Variants in ARHGDIG observed in about 807,000 individuals in gnomAD.
The protein encoded by ARHGDIG is Rho GDP dissociation inhibitor gamma, also known as rho GDP-dissociation inhibitor 3.
Under a neutral mutation model 20.2 loss-of-function variants are expected in ARHGDIG, and 14 were observed. That is an observed-to-expected ratio of 0.69 (90% CI 0.46 to 1.08). The LOEUF is 1.08. Among genes scored for constraint, ARHGDIG ranks in the 50% least tolerant of loss-of-function variants. ARHGDIG has a pLI of 0.00. For synonymous variants in ARHGDIG, 193 were observed against 138.6 expected (o/e 1.39, Z -2.76); for missense variants, 311 against 301.8 (o/e 1.03, Z -0.23).
Position 280,792 on chromosome 16 carries a change from TC to T in ARHGDIG, c.73+40del. On this transcript the variant is annotated intron_variant, in intron 1 of 5. Transcript: ENST00000219409. This position sits in a 1 kb window ranked among gnomAD's most constrained non-coding sequence, Gnocchi z 6.6. The stretch of plus-strand genomic sequence containing the variant: ...GCAGGGGCGGGGGGCTCGGCTGGTC[TC>T]AGCCCCGGGCGGGGAGTAGCCCCTC... 2 of 1,233,810 alleles carry T rather than the reference TC, an allele frequency of 1.6e-6. No homozygotes were observed. Among genetic ancestry groups the T allele is most frequent in the South Asian group, 2.3e-5 (1 of 43,048 alleles). The allele number at this position is 1,233,810 out of a possible 1,614,324, so 76.4% of individuals were successfully genotyped here.
At chr16:282,558 C>CGGGGGGGGGGGGGAAAGGGGG in intron 5 of ARHGDIG, 28 bp downstream of exon 5, 4 of 1,310,076 alleles carry the variant, frequency 3.1e-6, no homozygotes, top group Admixed American at 2.5e-5. Flanking sequence ...GGGAACGGGG[C>CGGGGGGGGGGGGGAAAGGGGG]GGGGGGGGGA....
Position 280,591 on chromosome 16 carries a change from A to T in ARHGDIG, c.-90A>T. ...CTCCCGGCCGGGATGAGCTCACCGC[A>T]GTCGCGCCGGGGCTGAGCGCCGAGC... On this transcript the variant is annotated 5_prime_UTR_variant, in exon 1 of 6. Transcript: ENST00000219409. This position sits in a 1 kb window ranked among gnomAD's most constrained non-coding sequence, Gnocchi z 6.6. 3.7e-6 allele frequency: 2 copies of T among 544,442 alleles called. No homozygotes were observed. Among genetic ancestry groups the T allele is most frequent in the Non-Finnish European group, 4.7e-6 (2 of 430,046 alleles). The allele number at this position is 544,442 out of a possible 1,614,324, so 33.7% of individuals were successfully genotyped here. A position where few individuals can be genotyped will look rare whatever the true frequency, so the allele number is the denominator to read the frequency against.
At position 281,941 on chromosome 16, in the gene ARHGDIG, A is replaced by G. The variant is rs1366868467; in HGVS notation, c.253+16A>G. 1.4e-6 allele frequency: 2 copies of G among 1,449,392 alleles called. No individual in the cohort carries two copies. Among genetic ancestry groups the G allele is most frequent in the East Asian group, 2.8e-5 (1 of 35,648 alleles). 89.8% of individuals were successfully genotyped at this position (1,449,392 alleles called of 1,614,324 possible). On this transcript the variant is annotated intron_variant, in intron 2 of 5. Coordinates refer to ENST00000219409, the MANE Select transcript of ARHGDIG (RefSeq NM_001176.4). ...CCGGCCGTGGGTATGGCAGGGGTCT[A>G]GGCTTGGAGGGCTGGGTCTGGGGGG... is the stretch of plus-strand genomic sequence containing the variant.
At chr16:282,571 C>CGG in intron 5 of ARHGDIG, 41 bp downstream of exon 5, 1 of 1,036,064 alleles carries the variant, frequency 9.7e-7, no homozygotes, top group Non-Finnish European at 1.4e-6. Flanking sequence ...GGGGGGGAAG[C>CGG]GGGGGCAGAC....
In ARHGDIG at chr16:282,648, G is replaced by T. The variant is rs745448650; in HGVS notation, c.512G>T (p.Gly171Val). ...ACCGTCTACATGGTGGGCAGCTATG[G>T]CCCGAGCGCCCAGGAGTATGAGTTT... ...DKTVYMVGSY[G>V]PSAQEYEFVT... Residue 171 changes from glycine to valine, a missense_variant, in exon 6 of 6, where the codon GGC becomes GTC. Physicochemically the swap from Gly to Val is moderately radical, Grantham distance 109. Transcript: ENST00000219409. The T allele has an allele frequency of 1.3e-6, 2 of 1,599,122 alleles. No homozygotes were observed. The highest frequency in any genetic ancestry group is 8.5e-7 in the Non-Finnish European group (1 of 1,172,592).
intron 1 of ARHGDIG, chr16:281,064 C>T (rs2052277573): frequency 6.0e-6 from 1 of 167,204 alleles, no homozygotes; most frequent in Non-Finnish European, 1.3e-5. Flanking sequence ...TGGTGATCCC[C>T]GAGAAGACGG....
chr16:281,008 T>G, intron 1 of ARHGDIG: 1 of 196,240 alleles, frequency 5.1e-6, no homozygotes, highest in Non-Finnish European at 1.1e-5. Flanking sequence ...GGAGCCCCTC[T>G]GTCTTGGGTG....
Position 280,850 on chromosome 16 carries a change from A to T in ARHGDIG, c.73+97A>T. 1.3e-6 allele frequency: 1 copy of T among 764,380 alleles called. No individual in the cohort carries two copies. The highest frequency in any genetic ancestry group is 1.7e-6 in the Non-Finnish European group (1 of 596,456). The allele number at this position is 764,380 out of a possible 1,614,324, so 47.3% of individuals were successfully genotyped here. A position where few individuals can be genotyped will look rare whatever the true frequency, so the allele number is the denominator to read the frequency against. On this transcript the variant is annotated intron_variant, in intron 1 of 5. Transcript: ENST00000219409. The surrounding 1 kb of genome is among the most constrained non-coding windows in gnomAD (Gnocchi z 6.6). The stretch of plus-strand genomic sequence containing the variant: ...GGCAACTTTGGGGGCGCGCATGGGG[A>T]CCTCGCGGCGCCGACCCCCCGGCTG...
chr16:281,553 A>G, intron 1 of ARHGDIG, 193 bp from the exon 2 acceptor site: 1 of 596,040 alleles, frequency 1.7e-6, no homozygotes. Flanking sequence ...GCCCCTCCTG[A>G]AGGTCTGGGT....
Position 280,798 on chromosome 16 carries a change from C to G in ARHGDIG, c.73+45C>G, listed in dbSNP as rs2052275220. ...GCGGGGGGCTCGGCTGGTCTCAGCC[C>G]CGGGCGGGGAGTAGCCCCTCCCCCG... On this transcript the variant is annotated intron_variant, in intron 1 of 5. Coordinates refer to ENST00000219409, the MANE Select transcript of ARHGDIG (RefSeq NM_001176.4). The surrounding 1 kb of genome is among the most constrained non-coding windows in gnomAD (Gnocchi z 6.6). 5 of 1,225,250 alleles carry G rather than the reference C, an allele frequency of 4.1e-6. No individual in the cohort carries two copies. The South Asian group carries it at 1.2e-4, about 29-fold the overall frequency. 75.9% of individuals were successfully genotyped at this position (1,225,250 alleles called of 1,614,324 possible).
chr16:281,055 G>C, intron 1 of ARHGDIG: 2 of 171,420 alleles, frequency 1.2e-5, no homozygotes, highest in Non-Finnish European at 2.5e-5. Context: ...TAGGGCGTGT[G>C]GTGATCCCCG....
chr16:282,086 G>C lies in ARHGDIG; in HGVS notation c.315G>C (p.Gly105=), dbSNP rs372294740. 1.2e-6 allele frequency: 2 copies of C among 1,612,900 alleles called. No homozygotes were observed. Among genetic ancestry groups the C allele is most frequent in the East Asian group, 2.2e-5 (1 of 44,870 alleles). The change falls in exon 3 of 6, where the codon GGG becomes GGC. Residue 105 remains glycine (G), a synonymous_variant. Coordinates refer to ENST00000219409, the MANE Select transcript of ARHGDIG (RefSeq NM_001176.4). ...CACTCCTGTCGGAACAGGCTCCGGG[G>C]CCCGTCGTCATGGATCTCACAGGTA... ...RLTLLSEQAP[G]PVVMDLTGDL... is the part of the protein sequence containing the mutation.
In ARHGDIG at chr16:282,366, C is replaced by G; in HGVS notation, c.407C>G (p.Ser136Cys). The change falls in exon 4 of 6, where the codon TCC (serine) becomes TGC (cysteine). Residue 136 changes from serine (S) to cysteine (C), a missense_variant. Transcript: ENST00000219409. The part of the protein sequence containing the change: ...KEGVDYRVKI[S>C]FKVHREIVSG... ...GGTGTTGATTACAGAGTGAAGATCT[C>G]CTTCAAGGTGAGAGCCGGGGCAATG... The G allele has an allele frequency of 6.2e-7, 1 of 1,612,634 alleles. No homozygotes were observed.
chr16:282,768 T>C lies in ARHGDIG; in HGVS notation c.632T>C (p.Leu211Pro). Residue 211 changes from leucine (L) to proline (P), a missense_variant, in exon 6 of 6, where the codon CTG becomes CCG. Leu to Pro is a moderately conservative substitution (Grantham distance 98). Transcript: ENST00000219409. ...LFTDDDRTHH[L>P]SWEWGLCICQ... Reference sequence around the variant, plus strand: ...ACCGACGATGACAGGACGCACCACCTGTCCTGGGAGTGGGGTCTCTGCATC... The same window carrying C: ...ACCGACGATGACAGGACGCACCACCCGTCCTGGGAGTGGGGTCTCTGCATC... 6.2e-7 allele frequency: 1 copy of C among 1,609,314 alleles called. No individual in the cohort carries two copies. Among genetic ancestry groups the C allele is most frequent in the Non-Finnish European group, 8.5e-7 (1 of 1,178,742 alleles).
At chr16:281,709 G>A (rs1437898195) in intron 1 of ARHGDIG, 37 bp from the exon 2 acceptor site, 2 of 1,525,854 alleles carry the variant, frequency 1.3e-6, no homozygotes, top group South Asian at 1.2e-5. Context: ...GCCAGGGTCC[G>A]CTAGTGGCTG....
At chr16:282,231 G>T in intron 3 of ARHGDIG, 66 bp from the exon 4 acceptor site, 1 of 1,608,448 alleles carries the variant, frequency 6.2e-7, no homozygotes, top group East Asian at 2.2e-5. Context: ...CACCCTACGT[G>T]GGGGCTCCTG....
intron 3 of ARHGDIG, 74 bp from the exon 4 acceptor site, chr16:282,223 C>T: frequency 6.2e-6 from 10 of 1,607,334 alleles, no homozygotes; most frequent in East Asian, 2.2e-5. Flanking sequence ...GGGTACCACA[C>T]CCTACGTGGG....
intron 3 of ARHGDIG, 81 bp from the exon 4 acceptor site, chr16:282,216 T>A: frequency 6.2e-7 from 1 of 1,605,382 alleles, no homozygotes; most frequent in South Asian, 1.1e-5. Context: ...ACCTCATGGG[T>A]ACCACACCCT....
At chr16:281,604 C>G (rs1451841840) in intron 1 of ARHGDIG, 142 bp from the exon 2 acceptor site, 2 of 1,024,556 alleles carry the variant, frequency 2.0e-6, no homozygotes, top group East Asian at 2.6e-5. Flanking sequence ...TCTCTCTGCT[C>G]GCTCTCTCCC....
Sources: gnomAD v4.1 joint callset for allele counts on GRCh38, gnomAD v4.1.1 for gene constraint, Gnocchi (gnomAD v3.1) non-coding constraint, MANE v1.5 for transcripts, NCBI Gene and HGNC (gene_info 2026-07-23, HGNC 2026-07-21) for gene names.